DCDC1: variants seen among roughly 807,000 people sequenced by gnomAD.
DCDC1 encodes doublecortin domain containing 1.
DCDC1 carries 200 observed loss-of-function variants against 178.3 expected under a neutral mutation model. The observed-to-expected ratio is 1.12, with a 90% confidence interval of 1.00 to 1.26. The LOEUF (loss-of-function observed/expected upper bound fraction) is 1.26. DCDC1 is among the 50% of genes most tolerant of loss of function. The pLI is 0.00. For synonymous variants in DCDC1, 690 were observed against 604.8 expected (o/e 1.14, Z -2.07); for missense variants, 1,983 against 1,749.2 (o/e 1.13, Z -2.38).
At chr11:31,036,768 T>C (rs1323199314) in intron 20 of DCDC1, among the ~76,000 whole-genome samples, 1 of 152,182 alleles carries the variant, frequency 6.6e-6, no homozygotes, top group African/African-American at 2.4e-5. Context: ...TGCAGATACA[T>C]AGAGTCAACT....
intron 21 of DCDC1, among the ~76,000 whole-genome samples, chr11:30,947,888 A>C (rs1436418029): frequency 6.6e-6 from 1 of 152,068 alleles, no homozygotes; most frequent in Non-Finnish European, 1.5e-5. Flanking sequence ...CAAATAACCT[A>C]ACAAAAAAAG....
chr11:31,124,979 A>G (rs1004784310), intron 11 of DCDC1, among the ~76,000 whole-genome samples: 2 of 152,190 alleles, frequency 1.3e-5, no homozygotes, highest in Non-Finnish European at 2.9e-5. Context: ...AACTATCATC[A>G]GCACAAACAG....
At chr11:31,269,096 A>G (rs1263179487) in intron 7 of DCDC1, among the ~76,000 whole-genome samples, 1 of 152,154 alleles carries the variant, frequency 6.6e-6, no homozygotes, top group East Asian at 1.9e-4. Flanking sequence ...ATTCCTTCCT[A>G]CTTGAAGAAT....
chr11:31,184,961 T>C (rs1270384154), intron 9 of DCDC1, among the ~76,000 whole-genome samples: 1 of 152,172 alleles, frequency 6.6e-6, no homozygotes, highest in African/African-American at 2.4e-5. Context: ...CATGCACACA[T>C]ATGTTTATTG....
chr11:31,109,366 C>G (rs1486763316), intron 12 of DCDC1, among the ~76,000 whole-genome samples: 1 of 151,944 alleles, frequency 6.6e-6, no homozygotes, highest in Non-Finnish European at 1.5e-5. Context: ...GCCGGGGAGA[C>G]AGGTGAAAAA....
chr11:30,907,356 C>T (rs1479425101), intron 29 of DCDC1, among the ~76,000 whole-genome samples: 1 of 152,098 alleles, frequency 6.6e-6, no homozygotes, highest in Non-Finnish European at 1.5e-5. Context: ...CACAATAAAA[C>T]CATCCCACTC....
intron 20 of DCDC1, among the ~76,000 whole-genome samples, chr11:30,990,677 T>C (rs1950923239): frequency 1.3e-5 from 2 of 152,200 alleles, no homozygotes; most frequent in South Asian, 2.1e-4. Flanking sequence ...TCTGAAGACA[T>C]TTAGTTTACA....
chr11:31,177,100 T>C (rs1380230524), intron 9 of DCDC1, among the ~76,000 whole-genome samples: 1 of 152,062 alleles, frequency 6.6e-6, no homozygotes, highest in African/African-American at 2.4e-5. Context: ...CTACAATTAA[T>C]GGCTCAGGAA....
At chr11:31,354,573 AAACATGCCAGATG>A (rs1235431530) in intron 1 of DCDC1, among the ~76,000 whole-genome samples, 14 of 152,238 alleles carry the variant, frequency 9.2e-5, no homozygotes, top group Admixed American at 8.5e-4. Flanking sequence ...CAGAAGAGCC[AAACATGCCAGATG>A]AACTTAGTAG....
chr11:31,071,900 G>A (rs943070770), intron 18 of DCDC1, among the ~76,000 whole-genome samples: 8 of 152,178 alleles, frequency 5.3e-5, no homozygotes, highest in African/African-American at 1.9e-4. Context: ...AGCCTCAGAT[G>A]TTTGCAACCT....
intron 18 of DCDC1, among the ~76,000 whole-genome samples, chr11:31,071,685 A>G (rs540966965): frequency 3.0e-4 from 45 of 152,162 alleles, no homozygotes; most frequent in African/African-American, 1.1e-3. Flanking sequence ...CTCTTCCACT[A>G]TGTCATCCAA....
At chr11:30,984,546 A>G (rs1189586834) in intron 20 of DCDC1, among the ~76,000 whole-genome samples, 1 of 152,182 alleles carries the variant, frequency 6.6e-6, no homozygotes, top group Non-Finnish European at 1.5e-5. Flanking sequence ...CCAGCACAGA[A>G]GGTCATCTGC....
chr11:31,190,809 G>A (rs1378278887), intron 9 of DCDC1, among the ~76,000 whole-genome samples: 1 of 151,818 alleles, frequency 6.6e-6, no homozygotes, highest in East Asian at 1.9e-4. Context: ...ATATTTTAAT[G>A]GCCATTTGTG....
At chr11:31,054,031 T>G (rs1272724851) in intron 20 of DCDC1, among the ~76,000 whole-genome samples, 1 of 152,078 alleles carries the variant, frequency 6.6e-6, no homozygotes, top group East Asian at 1.9e-4. Flanking sequence ...GAAGTCAAAC[T>G]GTCACTGTTT....
intron 21 of DCDC1, among the ~76,000 whole-genome samples, chr11:30,938,915 C>T (rs530674016): frequency 6.8e-6 from 1 of 146,930 alleles, no homozygotes; most frequent in Non-Finnish European, 1.5e-5. Flanking sequence ...TTCAGCTGGT[C>T]CTCATGTCTG....
At chr11:31,012,268 C>A (rs572155517) in intron 20 of DCDC1, among the ~76,000 whole-genome samples, 1 of 152,100 alleles carries the variant, frequency 6.6e-6, no homozygotes, top group East Asian at 1.9e-4. Flanking sequence ...TTATTATAGA[C>A]AAATCTCAAA....
intron 8 of DCDC1, among the ~76,000 whole-genome samples, chr11:31,250,385 T>TAC (rs10640581): frequency 0.088 from 7,936 of 89,960 alleles, 775 homozygotes; most frequent in African/African-American, 0.15. Context: ...AGTGAATGAA[T>TAC]ACACACACAC....
At chr11:31,163,502 T>C (rs1966501387) in intron 9 of DCDC1, among the ~76,000 whole-genome samples, 2 of 152,208 alleles carry the variant, frequency 1.3e-5, no homozygotes, top group South Asian at 2.1e-4. Context: ...GTTTGTATAA[T>C]GTATATGGTT....
At chr11:31,350,965 G>T (rs867691173) in intron 1 of DCDC1, among the ~76,000 whole-genome samples, 1 of 151,832 alleles carries the variant, frequency 6.6e-6, no homozygotes. Context: ...TTAAATATTT[G>T]ATTGAATTGT....
Sources: allele counts gnomAD v4.1 joint callset (sites outside exome capture counted in the v4.1 genomes callset), GRCh38; gene constraint gnomAD v4.1.1; transcripts MANE v1.5; gene names NCBI Gene and HGNC (gene_info 2026-07-23, HGNC 2026-07-21).